SCAPER: variants seen among roughly 807,000 people sequenced by gnomAD.
SCAPER encodes the protein S-phase cyclin A associated protein in the ER.
Under a neutral mutation model 182.2 loss-of-function variants are expected in SCAPER, and 98 were observed. That is an observed-to-expected ratio of 0.54 (90% CI 0.46 to 0.64). The LOEUF (loss-of-function observed/expected upper bound fraction) is 0.64, where lower values mean the gene tolerates loss of function less well. Ranked by LOEUF, SCAPER falls within the 30% of genes least tolerant of loss-of-function variation. The pLI is 0.00. For missense variants in SCAPER, 1,432 were observed against 1,690.0 expected, an observed-to-expected ratio of 0.85 and a Z score of 2.68; for synonymous variants, 605 against 564.6, an observed-to-expected ratio of 1.07 and a Z score of -1.01.
At chr15:76,817,337 C>A (rs1598897596) in intron 5 of SCAPER, among the ~76,000 whole-genome samples, 2 of 151,950 alleles carry the variant, frequency 1.3e-5, no homozygotes, top group East Asian at 3.9e-4. Flanking sequence ...AGTGTATGAT[C>A]TCATTTATAT....
chr15:76,829,149 T>TGCA (rs749051089), intron 5 of SCAPER, among the ~76,000 whole-genome samples: 2 of 152,196 alleles, frequency 1.3e-5, no homozygotes, highest in African/African-American at 2.4e-5. Context: ...TAATGACCTT[T>TGCA]GCAGCACTGT....
chr15:76,784,636 T>C (rs146721083), intron 8 of SCAPER, among the ~76,000 whole-genome samples: 1 of 152,298 alleles, frequency 6.6e-6, no homozygotes, highest in East Asian at 1.9e-4. Context: ...CTTCAAACTA[T>C]ACTACAAGGC....
chr15:76,402,323 C>T (rs1479886442), intron 27 of SCAPER, among the ~76,000 whole-genome samples: 1 of 152,176 alleles, frequency 6.6e-6, no homozygotes, highest in Admixed American at 6.5e-5. Flanking sequence ...AACTCCTCTG[C>T]ACTCTAGCAA....
At chr15:76,524,698 T>G (rs2043066691) in intron 23 of SCAPER, among the ~76,000 whole-genome samples, 3 of 143,780 alleles carry the variant, frequency 2.1e-5, no homozygotes, top group African/African-American at 5.1e-5. Context: ...TGTTTTTTTT[T>G]TTTTTTTTTT....
At chr15:76,709,940 T>C (rs2059474151) in intron 17 of SCAPER, among the ~76,000 whole-genome samples, 1 of 152,218 alleles carries the variant, frequency 6.6e-6, no homozygotes, top group South Asian at 2.1e-4. Context: ...CACAAAAAGA[T>C]GGATTTCACC....
chr15:76,454,565 T>C (rs1303315739), intron 25 of SCAPER, among the ~76,000 whole-genome samples: 3 of 152,172 alleles, frequency 2.0e-5, no homozygotes, highest in African/African-American at 7.2e-5. Context: ...TAACGTTTAG[T>C]TTTGCTTGCT....
intron 23 of SCAPER, among the ~76,000 whole-genome samples, chr15:76,529,045 C>T (rs1217566790): frequency 6.6e-6 from 1 of 152,184 alleles, no homozygotes; most frequent in Non-Finnish European, 1.5e-5. Flanking sequence ...TCTTATAGAA[C>T]TTTGTTGTTG....
chr15:76,348,947 C>A, intron 31 of SCAPER: 1 of 384,292 alleles, frequency 2.6e-6, no homozygotes, highest in Non-Finnish European at 4.7e-6. Context: ...TAACCACAAT[C>A]CAGTTTGTCC....
At chr15:76,439,367 T>G (rs1226098835) in intron 25 of SCAPER, among the ~76,000 whole-genome samples, 1 of 152,150 alleles carries the variant, frequency 6.6e-6, no homozygotes, top group Non-Finnish European at 1.5e-5. Flanking sequence ...AAAATGAGAT[T>G]TGACAAAAAG....
At chr15:76,414,986 T>C (rs2045554094) in intron 26 of SCAPER, among the ~76,000 whole-genome samples, 1 of 152,240 alleles carries the variant, frequency 6.6e-6, no homozygotes, top group African/African-American at 2.4e-5. Flanking sequence ...TTAAAATAGC[T>C]ACAATGGCTT....
chr15:76,444,638 G>A (rs899969111), intron 25 of SCAPER, among the ~76,000 whole-genome samples: 2 of 152,118 alleles, frequency 1.3e-5, no homozygotes, highest in Admixed American at 1.3e-4. Context: ...TGCCAAATTT[G>A]GGACCATTTC....
intron 23 of SCAPER, among the ~76,000 whole-genome samples, chr15:76,520,685 C>G (rs2042767277): frequency 1.3e-5 from 2 of 152,108 alleles, no homozygotes; most frequent in Admixed American, 6.5e-5. Context: ...CATATCACAA[C>G]AGCATGAGGT....
chr15:76,415,059 T>C (rs920441355), intron 26 of SCAPER, among the ~76,000 whole-genome samples: 4 of 152,140 alleles, frequency 2.6e-5, no homozygotes, highest in African/African-American at 9.7e-5. Context: ...ACCTCACTAG[T>C]GATAAAGTCA....
intron 15 of SCAPER, among the ~76,000 whole-genome samples, chr15:76,742,137 A>G (rs939303031): frequency 2.6e-5 from 4 of 152,046 alleles, no homozygotes; most frequent in African/African-American, 7.2e-5. Flanking sequence ...GTGACTCAGA[A>G]AAGTCTTTTA....
At chr15:76,781,114 C>T (rs1033133355) in intron 8 of SCAPER, among the ~76,000 whole-genome samples, 2 of 152,046 alleles carry the variant, frequency 1.3e-5, no homozygotes, top group African/African-American at 4.8e-5. Flanking sequence ...TGTTCTAACC[C>T]AACATAAGGA....
At chr15:76,507,748 ATACACT>A (rs1322544958) in intron 23 of SCAPER, among the ~76,000 whole-genome samples, 1 of 152,188 alleles carries the variant, frequency 6.6e-6, no homozygotes, top group African/African-American at 2.4e-5. Flanking sequence ...TAGACGACTC[ATACACT>A]TAAGATTAAA....
intron 4 of SCAPER, among the ~76,000 whole-genome samples, chr15:76,853,153 C>T (rs2070941885): frequency 6.6e-6 from 1 of 152,034 alleles, no homozygotes. Context: ...CTAAATGGAC[C>T]AACAATAAAC....
chr15:76,684,732 T>C (rs2057928613), intron 20 of SCAPER, among the ~76,000 whole-genome samples: 1 of 151,786 alleles, frequency 6.6e-6, no homozygotes, highest in African/African-American at 2.4e-5. Flanking sequence ...AAGGGAAATA[T>C]TTAAATACAT....
intron 23 of SCAPER, among the ~76,000 whole-genome samples, chr15:76,525,782 C>A (rs543616667): frequency 1.3e-5 from 2 of 152,254 alleles, no homozygotes; most frequent in East Asian, 3.9e-4. Flanking sequence ...GGGTTGATTC[C>A]ATGTCTTTAC....
Sources: allele counts gnomAD v4.1 joint callset (sites outside exome capture counted in the v4.1 genomes callset), GRCh38; gene constraint gnomAD v4.1.1; transcripts MANE v1.5; gene names NCBI Gene and HGNC (gene_info 2026-07-23, HGNC 2026-07-21).